The following FUT9 variants were observed in gnomAD, a reference collection of about 807,000 sequenced individuals.
FUT9 encodes 4-galactosyl-N-acetylglucosaminide 3-alpha-L-fucosyltransferase 9.
A neutral mutation model predicts 29.7 loss-of-function variants in FUT9; 15 were observed. The ratio of observed to expected loss-of-function variants is 0.51; its 90% CI spans 0.34 to 0.78. FUT9 has a LOEUF of 0.78. FUT9 is among the 30% of genes least tolerant of loss of function. The probability of loss-of-function intolerance (pLI) is 0.01; values close to 1 mark genes in which losing one functional copy is unlikely to be tolerated. For synonymous variants in FUT9, 169 were observed against 153.7 expected, an observed-to-expected ratio of 1.10 and a Z score of -0.74; for missense variants, 319 against 425.4, an observed-to-expected ratio of 0.75 and a Z score of 2.20.
chr6:96,120,895 C>T (rs796883307), intron 2 of FUT9, among the ~76,000 whole-genome samples: 5 of 151,568 alleles, frequency 3.3e-5, no homozygotes, highest in African/African-American at 9.7e-5. Flanking sequence ...GATGGATGCA[C>T]GGGTGGATAG....
At chr6:96,158,498 C>T (rs1211344081) in intron 2 of FUT9, among the ~76,000 whole-genome samples, 1 of 151,988 alleles carries the variant, frequency 6.6e-6, no homozygotes, top group African/African-American at 2.4e-5. Flanking sequence ...TATGATTTGA[C>T]AAGGGGAGTT....
intron 1 of FUT9, among the ~76,000 whole-genome samples, chr6:96,058,555 G>A (rs75560642): frequency 0.028 from 4,196 of 147,306 alleles, 215 homozygotes; most frequent in African/African-American, 0.099. Context: ...TAATGCAGTA[G>A]AATTTTTTGA....
At chr6:96,149,212 T>G (rs979210022) in intron 2 of FUT9, among the ~76,000 whole-genome samples, 3 of 152,050 alleles carry the variant, frequency 2.0e-5, no homozygotes, top group Non-Finnish European at 2.9e-5. Context: ...GCTTTTATTA[T>G]GTACAGAGTC....
intron 1 of FUT9, among the ~76,000 whole-genome samples, chr6:96,069,466 A>T (rs1771017502): frequency 6.6e-6 from 1 of 152,136 alleles, no homozygotes; most frequent in Non-Finnish European, 1.5e-5. Context: ...ATTTTTAAAA[A>T]TATAGTTAAT....
intron 1 of FUT9, among the ~76,000 whole-genome samples, chr6:96,059,349 C>A (rs1424830943): frequency 2.0e-5 from 3 of 152,158 alleles, no homozygotes; most frequent in Non-Finnish European, 4.4e-5. Context: ...GCTGACTCCA[C>A]GTGAGGTCAG....
intron 1 of FUT9, among the ~76,000 whole-genome samples, chr6:96,027,205 T>G (rs190968183): frequency 6.6e-6 from 1 of 151,790 alleles, no homozygotes; most frequent in Admixed American, 6.6e-5. Flanking sequence ...GCTTTTATAC[T>G]TTTAGACATT....
At chr6:96,199,145 C>T (rs956122482) in intron 2 of FUT9, among the ~76,000 whole-genome samples, 6 of 152,192 alleles carry the variant, frequency 3.9e-5, no homozygotes, top group Admixed American at 3.9e-4. Flanking sequence ...TTACAATTTG[C>T]TTTGTGCTAT....
chr6:96,059,054 T>C (rs957116624), intron 1 of FUT9, among the ~76,000 whole-genome samples: 7 of 152,216 alleles, frequency 4.6e-5, no homozygotes, highest in Non-Finnish European at 1.0e-4. Context: ...GTTTTTAATA[T>C]CTTGCTATAT....
chr6:96,198,310 T>G (rs1354411655), intron 2 of FUT9, among the ~76,000 whole-genome samples: 1 of 148,626 alleles, frequency 6.7e-6, no homozygotes, highest in African/African-American at 2.5e-5. Context: ...ATGTTCCCCT[T>G]CCTTTCTCCA....
chr6:96,107,438 A>G (rs1048016156), intron 1 of FUT9, among the ~76,000 whole-genome samples: 4 of 152,210 alleles, frequency 2.6e-5, no homozygotes, highest in Non-Finnish European at 5.9e-5. Flanking sequence ...TTTGAATAAA[A>G]TAGATGCTTT....
chr6:96,141,032 A>C (rs1265720813), intron 2 of FUT9, among the ~76,000 whole-genome samples: 1 of 152,168 alleles, frequency 6.6e-6, no homozygotes, highest in Non-Finnish European at 1.5e-5. Flanking sequence ...TAGAATATTC[A>C]ATTTTTGCTA....
chr6:96,074,525 A>G (rs1771112571), intron 1 of FUT9, among the ~76,000 whole-genome samples: 1 of 152,132 alleles, frequency 6.6e-6, no homozygotes, highest in South Asian at 2.1e-4. Flanking sequence ...CTTCTTTGTT[A>G]AAGGGATAGG....
At chr6:96,160,355 T>G (rs1319637275) in intron 2 of FUT9, among the ~76,000 whole-genome samples, 1 of 152,148 alleles carries the variant, frequency 6.6e-6, no homozygotes, top group East Asian at 1.9e-4. Context: ...AATACCACAG[T>G]TATGCTGCCC....
chr6:96,085,743 A>G (rs1477620267), intron 1 of FUT9, among the ~76,000 whole-genome samples: 2 of 152,150 alleles, frequency 1.3e-5, no homozygotes, highest in Non-Finnish European at 2.9e-5. Flanking sequence ...ATGCCCTGGA[A>G]ATATAGAGTT....
At chr6:96,038,995 T>C (rs1770409039) in intron 1 of FUT9, among the ~76,000 whole-genome samples, 1 of 152,124 alleles carries the variant, frequency 6.6e-6, no homozygotes, top group African/African-American at 2.4e-5. Flanking sequence ...TAATCAAGCC[T>C]CCCCTCAATG....
chr6:96,095,215 T>C (rs1159541298), intron 1 of FUT9, among the ~76,000 whole-genome samples: 2 of 152,270 alleles, frequency 1.3e-5, no homozygotes, highest in East Asian at 3.9e-4. Flanking sequence ...TCCCTCACCT[T>C]TAAAGAGCAT....
chr6:96,074,693 T>C (rs183096506), intron 1 of FUT9, among the ~76,000 whole-genome samples: 2 of 152,202 alleles, frequency 1.3e-5, no homozygotes, highest in African/African-American at 4.8e-5. Flanking sequence ...TACCTTTATC[T>C]CTAAAACTTT....
chr6:96,193,101 T>C (rs1331110252), intron 2 of FUT9, among the ~76,000 whole-genome samples: 1 of 149,966 alleles, frequency 6.7e-6, no homozygotes, highest in Non-Finnish European at 1.5e-5. Context: ...ATAAAAACCC[T>C]AGAAGAAAAC....
At chr6:96,129,135 G>C (rs1481919707) in intron 2 of FUT9, among the ~76,000 whole-genome samples, 2 of 151,578 alleles carry the variant, frequency 1.3e-5, no homozygotes, top group African/African-American at 4.8e-5. Context: ...CGTGGTGGCG[G>C]GCGCCTGTAG....
Sources: gnomAD v4.1 joint callset for allele counts (sites outside exome capture counted in the v4.1 genomes callset) on GRCh38, gnomAD v4.1.1 for gene constraint, MANE v1.5 for transcripts, NCBI Gene and HGNC (gene_info 2026-07-23, HGNC 2026-07-21) for gene names.